Variants in THSD4 observed in about 807,000 individuals in gnomAD.
The protein encoded by THSD4 is thrombospondin type 1 domain containing 4, also known as thrombospondin type-1 domain-containing protein 4.
A neutral mutation model predicts 119.0 loss-of-function variants in THSD4; 69 were observed. The ratio of observed to expected loss-of-function variants is 0.58; its 90% CI spans 0.48 to 0.71. THSD4 has a LOEUF of 0.71. Ranked by LOEUF, THSD4 falls within the 30% of genes least tolerant of loss-of-function variation. The pLI is 0.00. For synonymous variants in THSD4, 524 were observed against 540.4 expected, an observed-to-expected ratio of 0.97 and a Z score of 0.42; for missense variants, 1,393 against 1,391.1, an observed-to-expected ratio of 1.00 and a Z score of -0.02.
At chr15:71,199,707 G>GTATGTGTGTGTGATGCATGT (rs2043768182) in intron 3 of THSD4, among the ~76,000 whole-genome samples, 3 of 9,724 alleles carry the variant, frequency 3.1e-4, no homozygotes, top group Non-Finnish European at 4.2e-4. Context: ...GTGGTGTCTG[G>GTATGTGTGTGTGATGCATGT]GTGTGTGGTG....
intron 6 of THSD4, among the ~76,000 whole-genome samples, chr15:71,396,837 T>C (rs1247118645): frequency 1.3e-5 from 2 of 152,224 alleles, no homozygotes; most frequent in African/African-American, 2.4e-5. Flanking sequence ...TTGTTTTCAG[T>C]CGTTTTTTCC....
At position 71,420,017 on chromosome 15, in the gene THSD4, T is replaced by C. The variant is rs1370588588; in HGVS notation, c.1152+8194T>C. ...TTTGGTCTGCAGTATAGATTAAGTT[T>C]GATGTTTCTTTGCTGATTTTCTGTC... On this transcript the variant is annotated intron_variant, in intron 7 of 17. Transcript: ENST00000261862. 2.8e-5 allele frequency among the ~76,000 whole-genome samples: 3 copies of C among 108,480 alleles called. 1 individual carries two copies. The highest frequency in any genetic ancestry group is 6.1e-5 in the Non-Finnish European group (3 of 49,368). 71.2% of individuals were successfully genotyped at this position (108,480 alleles called of 152,430 possible). A position where few individuals can be genotyped will look rare whatever the true frequency, so the allele number is the denominator to read the frequency against.
In THSD4 at chr15:71,201,061, C is replaced by A. The variant is rs554373212; in HGVS notation, c.100-13974C>A. Among the ~76,000 whole-genome samples the A allele has an allele frequency of 4.6e-5, 7 of 152,268 alleles. No homozygotes were observed. In the South Asian group the frequency reaches 1.0e-3, roughly 23 times the overall value. Reference sequence around the variant, plus strand: ...CACTATCTGGGTTGGTGCCTAATGACCCCCAGTGCCGACTTCCATTAAAGT... The same window carrying A: ...CACTATCTGGGTTGGTGCCTAATGAACCCCAGTGCCGACTTCCATTAAAGT... On this transcript the variant is annotated intron_variant, in intron 3 of 17. Coordinates refer to ENST00000261862, the MANE Select transcript of THSD4 (RefSeq NM_024817.3).
chr15:71,125,692 A>G (rs1048609390), intron 1 of THSD4, among the ~76,000 whole-genome samples: 1 of 151,970 alleles, frequency 6.6e-6, no homozygotes, highest in Non-Finnish European at 1.5e-5. Flanking sequence ...TCCAGTCAGG[A>G]GGGGGGCGCC....
rs77578190 is a variant in THSD4, at chr15:71,662,829, G to T, written c.1357+2095G>T. Among the ~76,000 whole-genome samples, 1,417 of 152,212 alleles carry T rather than the reference G, an allele frequency of 9.3e-3. 19 individuals are homozygous for T. The highest frequency in any genetic ancestry group is 0.032 in the African/African-American group (1,340 of 41,534). ...CGGCAGAGCCCCTGACACCTATTAG[G>T]CAGTTGACAAATGTTCATTGCCTTT... On this transcript the variant is annotated intron_variant, in intron 8 of 17. Transcript: ENST00000261862.
At chr15:71,256,475 CA>C (rs34819269) in intron 5 of THSD4, 137 bp from the exon 6 acceptor site, 61,861 of 344,672 alleles carry the variant, frequency 0.18, 741 homozygotes, top group Middle Eastern at 0.24. Flanking sequence ...GACTCCATCT[CA>C]AAAAAAAAAA....
intron 9 of THSD4, chr15:71,729,451 T>C (rs1411758639): frequency 6.6e-6 from 1 of 152,274 alleles, no homozygotes; most frequent in Non-Finnish European, 1.5e-5. Context: ...ATACACATTA[T>C]TTCTGTCCCC....
At chr15:71,706,292 C>T (rs191821734) in intron 8 of THSD4, among the ~76,000 whole-genome samples, 1 of 152,076 alleles carries the variant, frequency 6.6e-6, no homozygotes, top group Non-Finnish European at 1.5e-5. Flanking sequence ...CCAGGGGAAC[C>T]CAGAGGTCTC....
rs1406078228 is a variant in THSD4, at chr15:71,141,429, A to G, written c.-79-20A>G. ...TTCCTAAGTAAATGTTGCTAAAAAT[A>G]ACATTGTTCATTTCCATAGGACTTG... On this transcript the variant is annotated intron_variant, in intron 1 of 17. Transcript: ENST00000261862. 1 of 1,266,152 alleles carries G rather than the reference A, an allele frequency of 7.9e-7. No individual in the cohort carries two copies. The highest frequency in any genetic ancestry group is 1.1e-6 in the Non-Finnish European group (1 of 920,772). The allele number at this position is 1,266,152 out of a possible 1,614,324, so 78.4% of individuals were successfully genotyped here. A position where few individuals can be genotyped will look rare whatever the true frequency, so the allele number is the denominator to read the frequency against.
In THSD4 at chr15:71,222,724, G is replaced by A. The variant is rs150338131; in HGVS notation, c.464+7325G>A. On this transcript the variant is annotated intron_variant, in intron 4 of 17. Transcript: ENST00000261862. The stretch of plus-strand genomic sequence containing the variant: ...GTTGGGAAGGAGTCTGGTCGGGTGA[G>A]GAAAACTCTTGCCCAGGCGTGCAGA... Among the ~76,000 whole-genome samples the A allele has an allele frequency of 7.4e-4, 113 of 152,286 alleles. 2 individuals are homozygous for A. Among genetic ancestry groups the A allele is most frequent in the African/African-American group, 2.4e-3 (99 of 41,554 alleles).
At chr15:71,632,375 G>C (rs981740955) in intron 7 of THSD4, among the ~76,000 whole-genome samples, 2 of 152,132 alleles carry the variant, frequency 1.3e-5, no homozygotes, top group African/African-American at 4.8e-5. Context: ...CCACCCAGTT[G>C]ACCTCTCTCC....
intron 7 of THSD4, among the ~76,000 whole-genome samples, chr15:71,443,921 G>C (rs907521135): frequency 1.3e-5 from 2 of 152,196 alleles, no homozygotes; most frequent in Non-Finnish European, 2.9e-5. Flanking sequence ...GCAAATCCTA[G>C]AAGTAAAGAC....
intron 7 of THSD4, among the ~76,000 whole-genome samples, chr15:71,449,083 C>T (rs913443178): frequency 2.6e-5 from 4 of 152,164 alleles, no homozygotes; most frequent in East Asian, 1.9e-4. Flanking sequence ...GACCAGCGGG[C>T]GACCTGGTCA....
At chr15:71,443,679 G>A (rs745857664) in intron 7 of THSD4, among the ~76,000 whole-genome samples, 6 of 78,318 alleles carry the variant, frequency 7.7e-5, no homozygotes, top group Non-Finnish European at 1.5e-4. Context: ...CAGATCACTC[G>A]TTAAAAAATT....
chr15:71,669,793 G>T (rs1427656689), intron 8 of THSD4, among the ~76,000 whole-genome samples: 5 of 152,210 alleles, frequency 3.3e-5, no homozygotes, highest in Admixed American at 1.3e-4. Flanking sequence ...CTGCAGTCAG[G>T]CAGGTTTCCT....
chr15:71,200,804 C>A (rs916075114), intron 3 of THSD4, among the ~76,000 whole-genome samples: 1 of 152,122 alleles, frequency 6.6e-6, no homozygotes, highest in Non-Finnish European at 1.5e-5. Context: ...AGTGAAAATA[C>A]AATGCAACTC....
chr15:71,748,392 T>G (rs551498261), intron 13 of THSD4, 29 bp from the exon 14 acceptor site: 1 of 1,611,930 alleles, frequency 6.2e-7, no homozygotes, highest in Non-Finnish European at 8.5e-7. Flanking sequence ...AGCTGCTGGT[T>G]CCCCTGACGT....
chr15:71,145,527 C>T (rs2040649152), intron 2 of THSD4, among the ~76,000 whole-genome samples: 1 of 152,040 alleles, frequency 6.6e-6, no homozygotes, highest in Non-Finnish European at 1.5e-5. Context: ...ACTTTAATGC[C>T]TGTCAGCTAC....
At chr15:71,362,214 G>A (rs1191980548) in intron 6 of THSD4, among the ~76,000 whole-genome samples, 1 of 152,222 alleles carries the variant, frequency 6.6e-6, no homozygotes, top group African/African-American at 2.4e-5. Context: ...GGGAGGTGGA[G>A]GTTGCAGTGA....
Sources: gnomAD v4.1 joint callset for allele counts (sites outside exome capture counted in the v4.1 genomes callset) on GRCh38, gnomAD v4.1.1 for gene constraint, MANE v1.5 for transcripts, NCBI Gene and HGNC (gene_info 2026-07-23, HGNC 2026-07-21) for gene names.